Variants in OTUD7A observed in about 807,000 individuals in gnomAD.
OTUD7A encodes OTU deubiquitinase 7A.
A neutral mutation model predicts 65.7 loss-of-function variants in OTUD7A; 12 were observed. That is an observed-to-expected ratio of 0.18 (90% CI 0.12 to 0.30). OTUD7A has a LOEUF of 0.30. OTUD7A is among the 10% of genes least tolerant of loss of function. OTUD7A has a pLI of 1.00. For missense variants in OTUD7A, 1,148 were observed against 1,304.8 expected (o/e 0.88, Z 1.85); for synonymous variants, 641 against 586.3 (o/e 1.09, Z -1.35).
At chr15:31,694,652 T>C (rs980545530) in intron 1 of OTUD7A, among the ~76,000 whole-genome samples, 17 of 152,064 alleles carry the variant, frequency 1.1e-4, no homozygotes, top group African/African-American at 4.1e-4. Flanking sequence ...GCCAACACCA[T>C]TCTGCTCTCT....
rs573532765 is a variant in OTUD7A, at chr15:31,808,929, C to A, written c.-100+61578G>T. 3.9e-5 allele frequency among the ~76,000 whole-genome samples: 6 copies of A among 152,328 alleles called. No homozygotes were observed. The South Asian group carries it at 1.0e-3, about 26-fold the overall frequency. The stretch of plus-strand genomic sequence containing the variant: ...CTTGCTTCCTTTTACATTGTCTAAT[C>A]GTGTGTGGCTCCTGCCTTTCCTTTT... On this transcript the variant is annotated intron_variant, in intron 1 of 12. Transcript: ENST00000307050.
At chr15:31,776,689 A>C (rs915255971) in intron 1 of OTUD7A, among the ~76,000 whole-genome samples, 9 of 152,212 alleles carry the variant, frequency 5.9e-5, no homozygotes, top group Non-Finnish European at 1.3e-4. Flanking sequence ...GTGTGTCAAC[A>C]GCTTTGCAGT....
At chr15:31,814,592 T>C (rs1234812711) in intron 1 of OTUD7A, among the ~76,000 whole-genome samples, 1 of 151,990 alleles carries the variant, frequency 6.6e-6, no homozygotes, top group East Asian at 1.9e-4. Context: ...AGTGCAATCT[T>C]GGCTCACTGC....
chr15:31,791,790 C>T (rs73380528), intron 1 of OTUD7A, among the ~76,000 whole-genome samples: 2,572 of 152,268 alleles, frequency 0.017, 75 homozygotes, highest in African/African-American at 0.058. Flanking sequence ...CCCACCCTCT[C>T]CTGGTCCTCC....
chr15:31,839,792 T>C (rs556048899), intron 1 of OTUD7A, among the ~76,000 whole-genome samples: 2 of 152,306 alleles, frequency 1.3e-5, no homozygotes, highest in East Asian at 3.9e-4. Flanking sequence ...CAAAGCCTCT[T>C]GGGACTAAGT....
At chr15:31,867,987 T>C (rs1897925046) in intron 1 of OTUD7A, among the ~76,000 whole-genome samples, 1 of 152,204 alleles carries the variant, frequency 6.6e-6, no homozygotes, top group African/African-American at 2.4e-5. Flanking sequence ...ACTCCCAAGG[T>C]GGCTCTGACA....
chr15:31,560,048 G>T (rs1049620667), intron 4 of OTUD7A, among the ~76,000 whole-genome samples: 6 of 152,238 alleles, frequency 3.9e-5, no homozygotes, highest in Non-Finnish European at 8.8e-5. Context: ...AGAGCACCAG[G>T]CTTGCTCTTG....
chr15:31,747,843 G>A (rs370249030), intron 1 of OTUD7A, among the ~76,000 whole-genome samples: 5 of 152,200 alleles, frequency 3.3e-5, no homozygotes, highest in Non-Finnish European at 5.9e-5. Context: ...AACACCATAC[G>A]CCTTTTTGAT....
intron 1 of OTUD7A, among the ~76,000 whole-genome samples, chr15:31,777,133 C>T (rs1895403671): frequency 6.6e-6 from 1 of 152,138 alleles, no homozygotes; most frequent in African/African-American, 2.4e-5. Context: ...AGATCAGGTG[C>T]TGGCAGAGTA....
intron 3 of OTUD7A, among the ~76,000 whole-genome samples, chr15:31,592,946 C>A: frequency 3.6e-5 from 3 of 82,876 alleles, no homozygotes; most frequent in African/African-American, 7.8e-5. Flanking sequence ...TGTATATATA[C>A]ACGTGTATAT....
intron 12 of OTUD7A, among the ~76,000 whole-genome samples, chr15:31,486,010 G>T (rs1184729638): frequency 1.3e-5 from 2 of 152,204 alleles, no homozygotes; most frequent in East Asian, 3.9e-4. Flanking sequence ...GGGCCAGGAA[G>T]GGAGGTGCGC....
chr15:31,602,763 A>T (rs1253685818), intron 3 of OTUD7A, among the ~76,000 whole-genome samples: 4 of 152,138 alleles, frequency 2.6e-5, no homozygotes, highest in East Asian at 1.9e-4. Flanking sequence ...AAATCTCGGG[A>T]TACAAAATCA....
At chr15:31,657,774 TG>T (rs1176907786) in intron 1 of OTUD7A, among the ~76,000 whole-genome samples, 2 of 152,166 alleles carry the variant, frequency 1.3e-5, no homozygotes, top group Middle Eastern at 3.2e-3. Flanking sequence ...CCCAGCTACC[TG>T]GGCCATCCTC....
At position 31,482,880 on chromosome 15, in the gene OTUD7A, C is replaced by T. The variant is rs2041149388; in HGVS notation, c.*414G>A. On this transcript the variant is annotated 3_prime_UTR_variant, in exon 13 of 13. Transcript: ENST00000307050. ...TAAGCCCTGGGTACTACCAACCGCG[C>T]ACAAGGGACCGCTACCTGGAAGAGG... 6.6e-6 allele frequency: 1 copy of T among 150,498 alleles called. No individual in the cohort carries two copies. The highest frequency in any genetic ancestry group is 2.1e-4 in the South Asian group (1 of 4,780). The allele number at this position is 150,498 out of a possible 1,614,324, so 9.3% of individuals were successfully genotyped here.
At chr15:31,670,943 C>A (rs915832139) in intron 1 of OTUD7A, among the ~76,000 whole-genome samples, 1 of 151,504 alleles carries the variant, frequency 6.6e-6, no homozygotes, top group Non-Finnish European at 1.5e-5. Context: ...TGCAGTGAGC[C>A]GAGATTGCAC....
intron 1 of OTUD7A, among the ~76,000 whole-genome samples, chr15:31,789,116 G>A (rs780629301): frequency 6.6e-6 from 1 of 152,108 alleles, no homozygotes; most frequent in Non-Finnish European, 1.5e-5. Context: ...TACTCTGAGG[G>A]GAGATATACC....
intron 1 of OTUD7A, among the ~76,000 whole-genome samples, chr15:31,824,540 GA>G (rs1896756409): frequency 6.6e-6 from 1 of 152,138 alleles, no homozygotes; most frequent in Non-Finnish European, 1.5e-5. Flanking sequence ...TTGTTCTAAA[GA>G]TAACAAAAAC....
chr15:31,815,215 G>T (rs1175217251), intron 1 of OTUD7A, among the ~76,000 whole-genome samples: 1 of 152,178 alleles, frequency 6.6e-6, no homozygotes, highest in Non-Finnish European at 1.5e-5. Flanking sequence ...CTGCCAGGAC[G>T]TTTGTGCTGC....
At chr15:31,527,128 G>A (rs879386158) in intron 7 of OTUD7A, 53 bp downstream of exon 7, 36 of 1,609,146 alleles carry the variant, frequency 2.2e-5, no homozygotes, top group South Asian at 5.5e-5. Flanking sequence ...ACCACGGCCC[G>A]AGGCTGCATC....
Sources: gnomAD v4.1 joint callset for allele counts (sites outside exome capture counted in the v4.1 genomes callset) on GRCh38, gnomAD v4.1.1 for gene constraint, MANE v1.5 for transcripts, NCBI Gene and HGNC (gene_info 2026-07-23, HGNC 2026-07-21) for gene names.